SH3BGRL: variants seen among roughly 807,000 people sequenced by gnomAD.
The protein encoded by SH3BGRL is SH3 domain binding glutamate rich protein like, also known as adapter SH3BGRL.
SH3BGRL carries 7 observed loss-of-function variants against 9.8 expected under a neutral mutation model. That is an observed-to-expected ratio of 0.72 (90% confidence interval 0.41 to 1.35). The LOEUF (loss-of-function observed/expected upper bound fraction) is 1.35, where lower values mean the gene tolerates loss of function less well. Among genes scored for constraint, SH3BGRL ranks in the 40% most tolerant of loss-of-function variants. The probability of loss-of-function intolerance (pLI) is 0.01; values close to 1 mark genes in which losing one functional copy is unlikely to be tolerated. For synonymous variants in SH3BGRL, 36 were observed against 29.1 expected (o/e 1.24, Z -0.76); for missense variants, 73 against 84.4 (o/e 0.86, Z 0.53).
intron 1 of SH3BGRL, among the ~76,000 whole-genome samples, chrX:81,234,983 C>T (rs1159030347): frequency 9.0e-6 from 1 of 111,631 alleles, no homozygotes; most frequent in African/African-American, 3.3e-5. Flanking sequence ...TTTTAAATCT[C>T]ATGTAATGGA....
chrX:81,217,031 T>C (rs1483502115), intron 1 of SH3BGRL, among the ~76,000 whole-genome samples: 1 of 110,698 alleles, frequency 9.0e-6, no homozygotes, highest in Non-Finnish European at 1.9e-5. Context: ...CTGTTCTTTT[T>C]AGTGGTTGTA....
intron 3 of SH3BGRL, among the ~76,000 whole-genome samples, chrX:81,288,916 TA>T (rs199920538): frequency 9.1e-6 from 1 of 109,717 alleles, no homozygotes; most frequent in Non-Finnish European, 1.9e-5. Flanking sequence ...TTCACAGAAA[TA>T]AAAAAAAATC....
At chrX:81,226,170 A>G (rs2147676335) in intron 1 of SH3BGRL, among the ~76,000 whole-genome samples, 1 of 111,105 alleles carries the variant, frequency 9.0e-6, no homozygotes, top group South Asian at 3.8e-4. Flanking sequence ...ATTTAAAATT[A>G]AACCAAAATG....
chrX:81,243,716 A>G (rs1007038737), intron 1 of SH3BGRL, among the ~76,000 whole-genome samples: 1 of 110,570 alleles, frequency 9.0e-6, no homozygotes, highest in East Asian at 2.8e-4. Context: ...ACAAAAATTA[A>G]AAAAAAATAA....
intron 3 of SH3BGRL, among the ~76,000 whole-genome samples, chrX:81,285,094 T>A (rs1238270680): frequency 9.0e-6 from 1 of 111,268 alleles, no homozygotes; most frequent in Non-Finnish European, 1.9e-5. Flanking sequence ...TTTCCAAGAC[T>A]AGAAGTGATC....
chrX:81,214,313 A>T (rs147265825), intron 1 of SH3BGRL, among the ~76,000 whole-genome samples: 358 of 111,952 alleles, frequency 3.2e-3, no homozygotes, highest in African/African-American at 0.011. Context: ...GGAGCAAATA[A>T]TGAGGAAGAG....
At chrX:81,280,890 G>A (rs752195390) in intron 3 of SH3BGRL, among the ~76,000 whole-genome samples, 4 of 111,264 alleles carry the variant, frequency 3.6e-5, no homozygotes, top group Non-Finnish European at 7.5e-5. Context: ...AACAGAGAAA[G>A]GCAAAGCCCA....
chrX:81,254,701 C>T (rs962229623), intron 1 of SH3BGRL, among the ~76,000 whole-genome samples: 3 of 111,281 alleles, frequency 2.7e-5, no homozygotes, highest in African/African-American at 6.6e-5. Flanking sequence ...CAGTTATTTT[C>T]CCAGACCAGC....
chrX:81,222,991 A>G (rs1174570173), intron 1 of SH3BGRL, among the ~76,000 whole-genome samples: 1 of 111,631 alleles, frequency 9.0e-6, no homozygotes, highest in Non-Finnish European at 1.9e-5. Context: ...GTGTCTGTTC[A>G]TATCCTTCAC....
intron 1 of SH3BGRL, among the ~76,000 whole-genome samples, chrX:81,258,131 C>T (rs1329892907): frequency 4.5e-5 from 5 of 111,280 alleles, no homozygotes; most frequent in Non-Finnish European, 9.4e-5. Context: ...ATATTATTCT[C>T]CAGAATTCCT....
At chrX:81,285,497 T>A (rs2075831457) in intron 3 of SH3BGRL, among the ~76,000 whole-genome samples, 1 of 111,539 alleles carries the variant, frequency 9.0e-6, no homozygotes, top group African/African-American at 3.3e-5. Context: ...TATAATCAAG[T>A]GAAATAATCC....
At position 81,250,932 on chromosome X, in the gene SH3BGRL, A is replaced by G. The variant is rs188813667; in HGVS notation, c.46-26052A>G. 5.2e-3 allele frequency among the ~76,000 whole-genome samples: 581 copies of G among 111,305 alleles called. 3 individuals carry two copies. The highest frequency in any genetic ancestry group is 0.018 in the African/African-American group (542 of 30,304). Reference sequence around the variant, plus strand: ...TGATATGAAATATATTCATAAATACACCATCAGGTAGAGAGTTAAAAAAAT... The same window carrying G: ...TGATATGAAATATATTCATAAATACGCCATCAGGTAGAGAGTTAAAAAAAT... On this transcript the variant is annotated intron_variant, in intron 1 of 3. Transcript: ENST00000373212.
Position 81,284,706 on chromosome X carries a change from A to G in SH3BGRL, c.312+6295A>G, listed in dbSNP as rs143586249. On this transcript the variant is annotated intron_variant, in intron 3 of 3. Coordinates refer to ENST00000373212, the MANE Select transcript of SH3BGRL (RefSeq NM_003022.3). ...TAAGGCAGGAGGAAAACTTATCCGC[A>G]AGGAGTGAGGGGAAATTTGAAACAT... Among the ~76,000 whole-genome samples, 1,040 of 111,315 alleles carry G rather than the reference A, an allele frequency of 9.3e-3. 17 individuals are homozygous for G. The highest frequency in any genetic ancestry group is 0.031 in the African/African-American group (954 of 30,706).
Position 81,202,277 on chromosome X carries a change from T to C in SH3BGRL, c.45+32T>C, listed in dbSNP as rs756798994. ...AGAGTGGGGAGTCCACCTTTGTTGT[T>C]TTCCTACACACCAGTCCTCTGCTGC... On this transcript the variant is annotated intron_variant, in intron 1 of 3. Transcript: ENST00000373212. 7 of 1,168,780 alleles carry C rather than the reference T, an allele frequency of 6.0e-6. No individual in the cohort carries two copies. The East Asian group carries it at 1.8e-4, about 31-fold the overall frequency.
At chrX:81,248,888 T>A (rs1275281768) in intron 1 of SH3BGRL, among the ~76,000 whole-genome samples, 1 of 111,406 alleles carries the variant, frequency 9.0e-6, no homozygotes, top group East Asian at 2.8e-4. Flanking sequence ...GCTCTCTGCC[T>A]CTCTCATGTA....
intron 1 of SH3BGRL, among the ~76,000 whole-genome samples, chrX:81,267,759 T>C: frequency 8.9e-6 from 1 of 111,813 alleles, no homozygotes; most frequent in Non-Finnish European, 1.9e-5. Context: ...TTTCTGTTGA[T>C]TGGAATAGTT....
intron 1 of SH3BGRL, among the ~76,000 whole-genome samples, chrX:81,265,707 T>A (rs1038803015): frequency 2.7e-5 from 3 of 112,101 alleles, no homozygotes; most frequent in Admixed American, 9.4e-5. Context: ...GATTTATAAT[T>A]CTTTGGGTAT....
chrX:81,228,837 C>T (rs751231319), intron 1 of SH3BGRL, among the ~76,000 whole-genome samples: 1 of 112,078 alleles, frequency 8.9e-6, no homozygotes, highest in African/African-American at 3.2e-5. Flanking sequence ...ATTCATTTCT[C>T]AACACAGTGA....
chrX:81,268,112 T>C (rs1003860249), intron 1 of SH3BGRL, among the ~76,000 whole-genome samples: 4 of 111,777 alleles, frequency 3.6e-5, no homozygotes, highest in African/African-American at 1.3e-4. Context: ...TCTTTTCTTC[T>C]TTATTAGTCT....
Sources: allele counts gnomAD v4.1 joint callset (sites outside exome capture counted in the v4.1 genomes callset), GRCh38; gene constraint gnomAD v4.1.1; transcripts MANE v1.5; gene names NCBI Gene and HGNC (gene_info 2026-07-23, HGNC 2026-07-21).